VPS13B: variants seen among roughly 807,000 people sequenced by gnomAD.
The protein encoded by VPS13B is intermembrane lipid transfer protein VPS13B.
VPS13B carries 285 observed loss-of-function variants against 426.4 expected under a neutral mutation model. The observed-to-expected ratio is 0.67, with a 90% CI of 0.61 to 0.74. The LOEUF (loss-of-function observed/expected upper bound fraction) is 0.74. VPS13B is among the 30% of genes least tolerant of loss of function. The pLI, the probability that VPS13B is intolerant of heterozygous loss-of-function variation, is 0.00. For missense variants in VPS13B, 4,537 were observed against 4,782.6 expected, an observed-to-expected ratio of 0.95 and a Z score of 1.51; for synonymous variants, 1,676 against 1,676.4, an observed-to-expected ratio of 1.00 and a Z score of 0.01.
At chr8:99,569,291 G>T (rs987852759) in intron 31 of VPS13B, among the ~76,000 whole-genome samples, 1 of 151,868 alleles carries the variant, frequency 6.6e-6, no homozygotes, top group African/African-American at 2.4e-5. Flanking sequence ...AGCCGGGTGT[G>T]CAGTCCACAC....
At chr8:99,592,550 T>C (rs752539632) in intron 33 of VPS13B, among the ~76,000 whole-genome samples, 2 of 147,014 alleles carry the variant, frequency 1.4e-5, no homozygotes, top group Non-Finnish European at 3.0e-5. Flanking sequence ...TTCTGTTTGT[T>C]AGAAAAAAAC....
chr8:99,809,500 G>A lies in VPS13B; in HGVS notation c.8067G>A (p.Lys2689=). The A allele has an allele frequency of 6.2e-7, 1 of 1,613,964 alleles. No homozygotes were observed. The change falls in exon 44 of 62, where the codon AAG becomes AAA. Residue 2689 remains lysine (K), a synonymous_variant. Transcript: ENST00000357162. Reference sequence around the variant, plus strand: ...GTCGAACTGCTTCTCTCATCATCAAGGTTCAGCAACTCAATGGAGTACAAA... The same window carrying A: ...GTCGAACTGCTTCTCTCATCATCAAAGTTCAGCAACTCAATGGAGTACAAA... ...YRGRTASLII[K]VQQLNGVQKQ...
intron 21 of VPS13B, among the ~76,000 whole-genome samples, chr8:99,400,924 G>A (rs945675154): frequency 1.3e-5 from 2 of 152,098 alleles, no homozygotes; most frequent in African/African-American, 4.8e-5. Context: ...CGTCCATCTC[G>A]GCCTCCCAAA....
At chr8:99,540,040 TATA>T (rs1823497660) in intron 30 of VPS13B, among the ~76,000 whole-genome samples, 1 of 4,608 alleles carries the variant, frequency 2.2e-4, no homozygotes, top group Non-Finnish European at 5.8e-4. Context: ...TATATATATA[TATA>T]TATATATATA....
chr8:99,462,433 G>T (rs972272864), intron 23 of VPS13B, among the ~76,000 whole-genome samples: 1 of 151,794 alleles, frequency 6.6e-6, no homozygotes, highest in Non-Finnish European at 1.5e-5. Context: ...GTTTTCTGTG[G>T]ATCTTGGCCA....
chr8:99,522,642 T>C (rs2133673528), intron 30 of VPS13B, among the ~76,000 whole-genome samples: 1 of 152,306 alleles, frequency 6.6e-6, no homozygotes, highest in East Asian at 1.9e-4. Context: ...ACTTGAATTC[T>C]AAGCATGTAG....
intron 17 of VPS13B, among the ~76,000 whole-genome samples, chr8:99,211,271 G>A (rs1815075741): frequency 6.6e-6 from 1 of 152,178 alleles, no homozygotes; most frequent in Admixed American, 6.5e-5. Context: ...CAAGCCTGAA[G>A]CTGTCTACCT....
At position 99,830,189 on chromosome 8, in the gene VPS13B, C is replaced by T. The variant is rs977348939; in HGVS notation, c.9331-2180C>T. Among the ~76,000 whole-genome samples the T allele has an allele frequency of 6.6e-5, 10 of 152,332 alleles. No homozygotes were observed. The East Asian group carries it at 1.7e-3, about 26-fold the overall frequency. On this transcript the variant is annotated intron_variant, in intron 51 of 61. Coordinates refer to ENST00000357162, the MANE Select transcript of VPS13B (RefSeq NM_152564.5). ...TCAGGAACGTTTAAGTCTGCTGAAGCTGTGCCCACAGCTGCCCCTTCCCCC... is the reference window on the plus strand; with the variant it reads ...TCAGGAACGTTTAAGTCTGCTGAAGTTGTGCCCACAGCTGCCCCTTCCCCC...
Position 99,284,830 on chromosome 8 carries a change from G to A in VPS13B, c.2824+9576G>A, listed in dbSNP as rs532500809. Among the ~76,000 whole-genome samples the A allele has an allele frequency of 1.8e-4, 28 of 152,108 alleles. 1 individual carries two copies. Among genetic ancestry groups the A allele is most frequent in the African/African-American group, 6.7e-4 (28 of 41,488 alleles). ...TCCACCTTGGCCTCCCAAAGTGCTG[G>A]GCTTATAGGCGTGAGCCACAGCACC... On this transcript the variant is annotated intron_variant, in intron 19 of 61. Coordinates refer to ENST00000357162, the MANE Select transcript of VPS13B (RefSeq NM_152564.5).
chr8:99,235,151 T>A (rs1311952916), intron 17 of VPS13B, among the ~76,000 whole-genome samples: 1 of 152,192 alleles, frequency 6.6e-6, no homozygotes, highest in African/African-American at 2.4e-5. Context: ...GCATCTTCAG[T>A]GCTTCCAAAA....
At chr8:99,863,913 C>T (rs1816964744) in intron 58 of VPS13B, among the ~76,000 whole-genome samples, 1 of 152,168 alleles carries the variant, frequency 6.6e-6, no homozygotes. Flanking sequence ...CACTGGCCAG[C>T]CCCAGTCCCA....
At chr8:99,873,554 G>T (rs75968680) in intron 61 of VPS13B, among the ~76,000 whole-genome samples, 1 of 152,210 alleles carries the variant, frequency 6.6e-6, no homozygotes, top group East Asian at 1.9e-4. Context: ...GCACTGGCTG[G>T]AAGGTAGATG....
At chr8:99,077,480 T>G (rs553462943) in intron 3 of VPS13B, among the ~76,000 whole-genome samples, 14 of 152,102 alleles carry the variant, frequency 9.2e-5, no homozygotes, top group Non-Finnish European at 1.9e-4. Flanking sequence ...TGCTCTTTCA[T>G]TTTTGAATAG....
chr8:99,745,549 A>G (rs1810037594), intron 39 of VPS13B, among the ~76,000 whole-genome samples: 1 of 152,106 alleles, frequency 6.6e-6, no homozygotes, highest in African/African-American at 2.4e-5. Context: ...AAACTTTATC[A>G]TAGGTATGCA....
intron 31 of VPS13B, among the ~76,000 whole-genome samples, chr8:99,567,533 C>T (rs1305983218): frequency 7.4e-5 from 11 of 149,174 alleles, no homozygotes; most frequent in Non-Finnish European, 1.3e-4. Context: ...TTAATTTTGC[C>T]GAACTAAATT....
At chr8:99,509,577 G>A (rs542007457) in intron 28 of VPS13B, among the ~76,000 whole-genome samples, 21 of 152,288 alleles carry the variant, frequency 1.4e-4, no homozygotes, top group African/African-American at 3.8e-4. Context: ...GAAAATGGAA[G>A]CAATTGAAAT....
chr8:99,388,595 G>A (rs999826467), intron 20 of VPS13B, among the ~76,000 whole-genome samples: 11 of 152,134 alleles, frequency 7.2e-5, no homozygotes, highest in African/African-American at 2.7e-4. Context: ...CAGGGTAATA[G>A]GAGGTTGTTA....
chr8:99,144,619 A>G (rs2132586194), intron 13 of VPS13B, among the ~76,000 whole-genome samples: 1 of 152,292 alleles, frequency 6.6e-6, no homozygotes, highest in Admixed American at 6.5e-5. Context: ...TGAGCACTAA[A>G]TGAGATAGTG....
chr8:99,804,824 T>C (rs1813306437), intron 43 of VPS13B, among the ~76,000 whole-genome samples: 1 of 152,040 alleles, frequency 6.6e-6, no homozygotes, highest in African/African-American at 2.4e-5. Flanking sequence ...AGACCTCATC[T>C]TTACAAAAAA....
Sources: allele counts gnomAD v4.1 joint callset (sites outside exome capture counted in the v4.1 genomes callset), GRCh38; gene constraint gnomAD v4.1.1; transcripts MANE v1.5; gene names NCBI Gene and HGNC (gene_info 2026-07-23, HGNC 2026-07-21).